CSMD2: variants seen among roughly 807,000 people sequenced by gnomAD.
CSMD2 encodes the protein CUB and sushi domain-containing protein 2.
CSMD2 carries 130 observed loss-of-function variants against 398.5 expected under a neutral mutation model. The ratio of observed to expected loss-of-function variants is 0.33; its 90% confidence interval spans 0.28 to 0.38. The LOEUF (loss-of-function observed/expected upper bound fraction) is 0.38, where lower values mean the gene tolerates loss of function less well. Among genes scored for constraint, CSMD2 ranks in the 10% least tolerant of loss-of-function variants. CSMD2 has a pLI of 1.00. For synonymous variants in CSMD2, 1,828 were observed against 1,908.5 expected (o/e 0.96, Z 1.10); for missense variants, 3,829 against 4,764.9 (o/e 0.80, Z 5.78).
intron 24 of CSMD2, among the ~76,000 whole-genome samples, chr1:33,698,130 A>C (rs1645483630): frequency 1.3e-5 from 2 of 152,228 alleles, no homozygotes; most frequent in Admixed American, 1.3e-4. Flanking sequence ...CCTATTTTGC[A>C]CTTCTGCCTC....
chr1:33,758,887 C>T (rs1415694213), intron 13 of CSMD2, among the ~76,000 whole-genome samples: 2 of 152,202 alleles, frequency 1.3e-5, no homozygotes, highest in African/African-American at 4.8e-5. Context: ...CTAGGCACAA[C>T]GTGGTCCTTC....
At chr1:33,527,510 A>G (rs983345503) in intron 64 of CSMD2, among the ~76,000 whole-genome samples, 5 of 152,214 alleles carry the variant, frequency 3.3e-5, no homozygotes, top group African/African-American at 1.2e-4. Flanking sequence ...ATATTAGACA[A>G]GACATTAGGA....
intron 3 of CSMD2, among the ~76,000 whole-genome samples, chr1:33,988,806 GC>G (rs1217151210): frequency 1.3e-5 from 2 of 151,666 alleles, no homozygotes; most frequent in Non-Finnish European, 2.9e-5. Context: ...TCTGCTAATA[GC>G]CTTTTCAACC....
intron 14 of CSMD2, among the ~76,000 whole-genome samples, chr1:33,741,463 T>C (rs1213670634): frequency 6.6e-6 from 1 of 152,196 alleles, no homozygotes; most frequent in Non-Finnish European, 1.5e-5. Flanking sequence ...GTGATTCTAA[T>C]TCAGCAGGTC....
intron 13 of CSMD2, among the ~76,000 whole-genome samples, chr1:33,755,609 C>A (rs867389768): frequency 6.6e-6 from 1 of 152,156 alleles, no homozygotes; most frequent in Non-Finnish European, 1.5e-5. Flanking sequence ...TTGATATAAT[C>A]CAGTCCAAAA....
chr1:33,769,387 T>C (rs1650966366), intron 13 of CSMD2, among the ~76,000 whole-genome samples: 1 of 152,154 alleles, frequency 6.6e-6, no homozygotes, highest in South Asian at 2.1e-4. Context: ...GGATGGAAAG[T>C]GGTATTACTT....
chr1:33,538,334 G>A (rs1440165648), intron 60 of CSMD2, among the ~76,000 whole-genome samples: 1 of 152,174 alleles, frequency 6.6e-6, no homozygotes, highest in Non-Finnish European at 1.5e-5. Flanking sequence ...ACTGCGGTGG[G>A]TAGTGCATGG....
At chr1:33,906,025 AAAG>A (rs1363669841) in intron 5 of CSMD2, among the ~76,000 whole-genome samples, 1 of 152,206 alleles carries the variant, frequency 6.6e-6, no homozygotes, top group Non-Finnish European at 1.5e-5. Flanking sequence ...TCATGGTATT[AAAG>A]AAGGCCACAT....
At position 33,533,742 on chromosome 1, in the gene CSMD2, G is replaced by A. The variant is rs1307467150; in HGVS notation, c.9991+54C>T. ...CAGAGCATTCAAACATGACCCAGAT[G>A]CCCAGCTGGGGCAAGAGGAATTTTC... is the stretch of plus-strand genomic sequence containing the variant. On this transcript the variant is annotated intron_variant, in intron 63 of 70. Coordinates refer to ENST00000373381, the MANE Select transcript of CSMD2 (RefSeq NM_001281956.2). The surrounding 1 kb of genome is among the most constrained non-coding windows in gnomAD (Gnocchi z 4.2). 6.0e-6 allele frequency: 7 copies of A among 1,164,784 alleles called. No individual in the cohort carries two copies. Among genetic ancestry groups the A allele is most frequent in the Non-Finnish European group, 9.0e-6 (7 of 774,008 alleles). The allele number at this position is 1,164,784 out of a possible 1,614,324, so 72.2% of individuals were successfully genotyped here.
At chr1:34,147,639 A>G (rs1639903955) in intron 1 of CSMD2, among the ~76,000 whole-genome samples, 1 of 2,266 alleles carries the variant, frequency 4.4e-4, no homozygotes, top group Admixed American at 0.01. Context: ...GACAGCCAAA[A>G]GTGGGTGCAG....
intron 9 of CSMD2, among the ~76,000 whole-genome samples, chr1:33,818,620 T>C (rs558669871): frequency 2.0e-5 from 3 of 152,206 alleles, no homozygotes; most frequent in Non-Finnish European, 2.9e-5. Context: ...ATAGTAGCTA[T>C]GTAGAATCCT....
At chr1:33,683,156 G>C (rs1644961246) in intron 25 of CSMD2, among the ~76,000 whole-genome samples, 1 of 152,160 alleles carries the variant, frequency 6.6e-6, no homozygotes, top group Non-Finnish European at 1.5e-5. Context: ...AGTTGTTGCT[G>C]TGTGTTTAAT....
intron 26 of CSMD2, among the ~76,000 whole-genome samples, chr1:33,659,903 G>A (rs1644075568): frequency 6.6e-6 from 1 of 152,220 alleles, no homozygotes; most frequent in Admixed American, 6.5e-5. Flanking sequence ...ACACTCATTT[G>A]TTTACATATC....
chr1:33,963,885 T>C lies in CSMD2; in HGVS notation c.518-27931A>G, dbSNP rs549719106. Among the ~76,000 whole-genome samples, 5 of 152,306 alleles carry C rather than the reference T, an allele frequency of 3.3e-5. No homozygotes were observed. The South Asian group carries it at 1.0e-3, about 32-fold the overall frequency. ...CTATAAACATTTGGGTACAAGTCTT[T>C]GTGTGGACATATGTGTTAATTTTCC... On this transcript the variant is annotated intron_variant, in intron 3 of 70. Coordinates refer to ENST00000373381, the MANE Select transcript of CSMD2 (RefSeq NM_001281956.2).
chr1:34,076,931 ATATATATAT>A (rs1656439539), intron 2 of CSMD2, among the ~76,000 whole-genome samples: 33 of 81,292 alleles, frequency 4.1e-4, no homozygotes, highest in African/African-American at 1.3e-3. Context: ...AAAAAAAAAT[ATATATATAT>A]ATATATATAT....
intron 3 of CSMD2, among the ~76,000 whole-genome samples, chr1:33,939,010 C>T (rs564674077): frequency 9.3e-5 from 14 of 151,162 alleles, no homozygotes; most frequent in African/African-American, 2.4e-4. Flanking sequence ...TGGCGTTTCC[C>T]GTGATCCCCT....
At chr1:33,595,439 C>G (rs1444452179) in intron 44 of CSMD2, among the ~76,000 whole-genome samples, 1 of 152,178 alleles carries the variant, frequency 6.6e-6, no homozygotes, top group African/African-American at 2.4e-5. Context: ...GTCTTCCAGT[C>G]TTCTCCACTT....
intron 29 of CSMD2, among the ~76,000 whole-genome samples, chr1:33,644,657 C>A (rs1643313378): frequency 6.6e-6 from 1 of 152,032 alleles, no homozygotes; most frequent in African/African-American, 2.4e-5. Context: ...ATTGAGGGTA[C>A]TGATGAGAAT....
intron 1 of CSMD2, among the ~76,000 whole-genome samples, chr1:34,104,113 CT>C (rs1484344480): frequency 6.6e-6 from 1 of 152,204 alleles, no homozygotes; most frequent in Admixed American, 6.5e-5. Context: ...AGATGCTTTT[CT>C]TTAAGTCCCA....
Sources: gnomAD v4.1 joint callset for allele counts (sites outside exome capture counted in the v4.1 genomes callset) on GRCh38, gnomAD v4.1.1 for gene constraint, Gnocchi (gnomAD v3.1) non-coding constraint, MANE v1.5 for transcripts, NCBI Gene and HGNC (gene_info 2026-07-23, HGNC 2026-07-21) for gene names.